The following LYRM4 variants were observed in gnomAD, a reference collection of about 807,000 sequenced individuals.
LYRM4 encodes LYR motif-containing protein 4.
Under a neutral mutation model 11.7 loss-of-function variants are expected in LYRM4, and 9 were observed. The observed-to-expected ratio is 0.77, with a 90% CI of 0.46 to 1.34. The LOEUF (loss-of-function observed/expected upper bound fraction) is 1.34. Ranked by LOEUF, LYRM4 falls within the 40% of genes most tolerant of loss-of-function variation. The pLI, the probability that LYRM4 is intolerant of heterozygous loss-of-function variation, is 0.00. For synonymous variants in LYRM4, 42 were observed against 40.4 expected, an observed-to-expected ratio of 1.04 and a Z score of -0.15; for missense variants, 133 against 112.5, an observed-to-expected ratio of 1.18 and a Z score of -0.82.
intron 2 of LYRM4, among the ~76,000 whole-genome samples, chr6:5,120,716 C>T (rs986474695): frequency 2.0e-5 from 3 of 152,126 alleles, no homozygotes; most frequent in Admixed American, 6.6e-5. Context: ...GTCCATTTTG[C>T]GAACCTCTAG....
chr6:5,074,288 A>AC, the LYRM4 span, among the ~76,000 whole-genome samples: 11 of 152,058 alleles, frequency 7.2e-5, no homozygotes, highest in Non-Finnish European at 1.6e-4. Context: ...AGTGGAAGCC[A>AC]TTATTACTGA....
In LYRM4 at chr6:5,239,546, G is replaced by T. The variant is rs77870896; in HGVS notation, c.86+21102C>A. Among the ~76,000 whole-genome samples the T allele has an allele frequency of 4.4e-3, 669 of 152,116 alleles. 3 individuals are homozygous for T. The highest frequency in any genetic ancestry group is 0.015 in the African/African-American group (642 of 41,528). Reference sequence around the variant, plus strand: ...TGCAAGGGGCCTCCAATGTCAAGCGGAGCCAAGAGAGGAGCAGACAAGGAG... The same window carrying T: ...TGCAAGGGGCCTCCAATGTCAAGCGTAGCCAAGAGAGGAGCAGACAAGGAG... On this transcript the variant is annotated intron_variant, in intron 1 of 2. Transcript: ENST00000330636.
chr6:5,169,875 G>C (rs1759318685), intron 2 of LYRM4, among the ~76,000 whole-genome samples: 1 of 152,190 alleles, frequency 6.6e-6, no homozygotes, highest in South Asian at 2.1e-4. Context: ...CCAACGGTAG[G>C]ATAACTTGAG....
the LYRM4 span, among the ~76,000 whole-genome samples, chr6:5,076,798 C>T: frequency 6.6e-5 from 10 of 152,302 alleles, no homozygotes; most frequent in South Asian, 2.1e-4. Flanking sequence ...CTGAAAATGC[C>T]GGCTCATTGA....
intron 2 of LYRM4, among the ~76,000 whole-genome samples, chr6:5,190,430 T>G (rs1760685511): frequency 6.6e-6 from 1 of 152,202 alleles, no homozygotes; most frequent in Admixed American, 6.5e-5. Flanking sequence ...TCTGTTCTAA[T>G]AGGCTCTGGC....
At chr6:5,101,164 G>A (rs950156927), downstream of LYRM4, among the ~76,000 whole-genome samples, 1 of 152,118 alleles carries the variant, frequency 6.6e-6, no homozygotes, top group Non-Finnish European at 1.5e-5. Context: ...TTATGGCTCA[G>A]GTAGAAGTAG....
In LYRM4 at chr6:5,250,300, TAC is replaced by T. The variant is rs542732086; in HGVS notation, c.86+10346_86+10347del. Among the ~76,000 whole-genome samples, 43 of 152,278 alleles carry T rather than the reference TAC, an allele frequency of 2.8e-4. No individual in the cohort carries two copies. In the South Asian group the frequency reaches 7.7e-3, roughly 27 times the overall value. On this transcript the variant is annotated intron_variant, in intron 1 of 2. Coordinates refer to ENST00000330636, the MANE Select transcript of LYRM4 (RefSeq NM_020408.6). ...GTGCAATTTAGAAACTCTTGTAAAC[TAC>T]AGTCAATAAATCAGCAATGACACGC...
At chr6:5,259,623 G>A (rs1764870220) in intron 1 of LYRM4, among the ~76,000 whole-genome samples, 1 of 152,232 alleles carries the variant, frequency 6.6e-6, no homozygotes, top group African/African-American at 2.4e-5. Flanking sequence ...CACACGTGCT[G>A]GAGGGGGGCC....
chr6:5,215,835 C>T (rs1762243410), intron 2 of LYRM4, among the ~76,000 whole-genome samples: 1 of 151,940 alleles, frequency 6.6e-6, no homozygotes, highest in Non-Finnish European at 1.5e-5. Flanking sequence ...AAGGGAAACA[C>T]GAATGGAAGC....
intron 2 of LYRM4, among the ~76,000 whole-genome samples, chr6:5,118,104 TG>T (rs1763225973): frequency 5.2e-5 from 3 of 58,104 alleles, no homozygotes; most frequent in Non-Finnish European, 8.5e-5. Flanking sequence ...ATTTTTGTTT[TG>T]TTTTGTTTTG....
At chr6:5,175,004 G>A (rs1212225975) in intron 2 of LYRM4, among the ~76,000 whole-genome samples, 1 of 152,186 alleles carries the variant, frequency 6.6e-6, no homozygotes, top group East Asian at 1.9e-4. Context: ...GAAGGATGCG[G>A]TCTATTTATT....
chr6:5,050,973 A>G, the LYRM4 span, among the ~76,000 whole-genome samples: 1 of 152,246 alleles, frequency 6.6e-6, no homozygotes, highest in Admixed American at 6.5e-5. Context: ...GGAAATATCA[A>G]TAAAGAGACA....
intron 2 of LYRM4, among the ~76,000 whole-genome samples, chr6:5,195,017 T>G (rs1477524865): frequency 6.6e-6 from 1 of 152,230 alleles, no homozygotes. Flanking sequence ...CTGTTACACA[T>G]AAAGGCTTGA....
chr6:5,231,192 T>C (rs34211615), intron 1 of LYRM4, among the ~76,000 whole-genome samples: 7,451 of 151,574 alleles, frequency 0.049, 602 homozygotes, highest in African/African-American at 0.16. Context: ...GGCGACAGAG[T>C]GAGACTGTCT....
At chr6:5,223,415 C>T (rs1055898602) in intron 1 of LYRM4, among the ~76,000 whole-genome samples, 8 of 152,174 alleles carry the variant, frequency 5.3e-5, no homozygotes, top group East Asian at 1.9e-4. Context: ...TCGCATGTCT[C>T]GTAAGTGGCA....
chr6:5,198,282 G>C (rs888977035), intron 2 of LYRM4, among the ~76,000 whole-genome samples: 1 of 152,148 alleles, frequency 6.6e-6, no homozygotes, highest in Non-Finnish European at 1.5e-5. Context: ...AAACACCCAA[G>C]TGCAAATATC....
At chr6:5,200,173 G>T (rs935048035) in intron 2 of LYRM4, among the ~76,000 whole-genome samples, 2 of 152,130 alleles carry the variant, frequency 1.3e-5, no homozygotes, top group African/African-American at 4.8e-5. Flanking sequence ...CATTGCCAGG[G>T]TTTACATGAT....
At chr6:5,120,463 A>T (rs574433080) in intron 2 of LYRM4, among the ~76,000 whole-genome samples, 52 of 152,094 alleles carry the variant, frequency 3.4e-4, no homozygotes, top group African/African-American at 1.2e-3. Flanking sequence ...GAGTGTTACA[A>T]CTCTTAAAGG....
chr6:5,085,151 A>C, the LYRM4 span: 1 of 332,502 alleles, frequency 3.0e-6, no homozygotes. Context: ...CCCGCATTCC[A>C]CCGGAGCACT....
Sources: gnomAD v4.1 joint callset for allele counts (sites outside exome capture counted in the v4.1 genomes callset) on GRCh38, gnomAD v4.1.1 for gene constraint, MANE v1.5 for transcripts, NCBI Gene and HGNC (gene_info 2026-07-23, HGNC 2026-07-21) for gene names.